Variants in NUCB2 observed in about 807,000 individuals in gnomAD.
NUCB2 encodes the protein nucleobindin 2, also known as nucleobindin-2.
Under a neutral mutation model 57.9 loss-of-function variants are expected in NUCB2, and 48 were observed. The observed-to-expected ratio is 0.83, with a 90% CI of 0.66 to 1.05. The LOEUF is 1.05. Among genes scored for constraint, NUCB2 ranks in the 50% least tolerant of loss-of-function variants. The pLI is 0.00. For missense variants in NUCB2, 442 were observed against 476.2 expected (o/e 0.93, Z 0.67); for synonymous variants, 139 against 152.1 (o/e 0.91, Z 0.64).
chr11:17,299,081 G>T (rs1260799664), intron 4 of NUCB2, among the ~76,000 whole-genome samples: 1 of 152,232 alleles, frequency 6.6e-6, no homozygotes, highest in Non-Finnish European at 1.5e-5. Flanking sequence ...AACTGGAAAG[G>T]TGATGGTACT....
intron 11 of NUCB2, among the ~76,000 whole-genome samples, chr11:17,321,760 T>C (rs1170336174): frequency 6.6e-6 from 1 of 152,170 alleles, no homozygotes; most frequent in Non-Finnish European, 1.5e-5. Flanking sequence ...TTGCCAACAT[T>C]TGTTATTGCC....
At chr11:17,314,586 G>A (rs1025261159) in intron 10 of NUCB2, among the ~76,000 whole-genome samples, 3 of 152,014 alleles carry the variant, frequency 2.0e-5, no homozygotes, top group African/African-American at 7.2e-5. Context: ...CTTCCACCGA[G>A]TCTGTGCTCA....
At chr11:17,348,187 T>A (rs1952898998) in intron 2 of NUCB2, among the ~76,000 whole-genome samples, 1 of 152,078 alleles carries the variant, frequency 6.6e-6, no homozygotes, top group South Asian at 2.1e-4. Context: ...CCTCAAGCAG[T>A]CCTCCTGCCT....
In NUCB2 at chr11:17,331,625, A is replaced by G. The variant is rs1951417210; in HGVS notation, c.*206A>G. 1 of 393,708 alleles carries G rather than the reference A, an allele frequency of 2.5e-6. No homozygotes were observed. The highest frequency in any genetic ancestry group is 3.8e-5 in the East Asian group (1 of 26,506). 24.4% of individuals were successfully genotyped at this position (393,708 alleles called of 1,614,324 possible). A position where few individuals can be genotyped will look rare whatever the true frequency, so the allele number is the denominator to read the frequency against. On this transcript the variant is annotated 3_prime_UTR_variant, in exon 14 of 14. Coordinates refer to ENST00000529010, the MANE Select transcript of NUCB2 (RefSeq NM_005013.4). The stretch of plus-strand genomic sequence containing the variant: ...TCAGAACCAGGAAGAAAACAAACTC[A>G]CTGTCTGCTCTCTGCTCTCACATTC...
At position 17,301,872 on chromosome 11, in the gene NUCB2, T is replaced by C; in HGVS notation, c.379+2T>C. ...AAGCTAAGTTGGATTCCCTTCAAGG[T>C]AAGTGCTAAACAAAAGGTAGGATTT... On this transcript the variant is annotated splice_donor_variant, in intron 5 of 13. Transcript: ENST00000529010. LOFTEE classifies it high-confidence loss of function. 1 of 1,610,220 alleles carries C rather than the reference T, an allele frequency of 6.2e-7. No homozygotes were observed. Among genetic ancestry groups the C allele is most frequent in the Non-Finnish European group, 8.5e-7 (1 of 1,178,322 alleles).
chr11:17,342,329 C>G (rs1305627233), intron 2 of NUCB2, among the ~76,000 whole-genome samples: 1 of 152,092 alleles, frequency 6.6e-6, no homozygotes, highest in African/African-American at 2.4e-5. Flanking sequence ...CTGCTCTGAT[C>G]TTAGTTATTT....
chr11:17,318,180 C>CT (rs1224767428), intron 11 of NUCB2, among the ~76,000 whole-genome samples: 8 of 151,214 alleles, frequency 5.3e-5, no homozygotes, highest in South Asian at 4.2e-4. Context: ...ATGCCTGGAT[C>CT]TTTTTTTTGT....
chr11:17,326,881 A>G (rs1160586142), intron 11 of NUCB2, among the ~76,000 whole-genome samples: 1 of 152,152 alleles, frequency 6.6e-6, no homozygotes, highest in Non-Finnish European at 1.5e-5. Context: ...CACATTTCTT[A>G]TAGGACAAGT....
intron 5 of NUCB2, among the ~76,000 whole-genome samples, chr11:17,307,158 G>A (rs1216554005): frequency 1.3e-5 from 2 of 151,686 alleles, no homozygotes; most frequent in Non-Finnish European, 2.9e-5. Context: ...ACTGCCTCAG[G>A]CTCCCAAAGT....
At chr11:17,306,267 G>T (rs1947626342) in intron 5 of NUCB2, among the ~76,000 whole-genome samples, 1 of 152,006 alleles carries the variant, frequency 6.6e-6, no homozygotes, top group East Asian at 1.9e-4. Context: ...TTGGAATAGT[G>T]GTTCTAAAAC....
chr11:17,292,996 G>C (rs181382240), intron 2 of NUCB2, among the ~76,000 whole-genome samples: 8 of 152,204 alleles, frequency 5.3e-5, no homozygotes, highest in African/African-American at 1.7e-4. Context: ...GCTCATGCCT[G>C]TAATTTCAGC....
chr11:17,284,263 C>G (rs1351387594), intron 2 of NUCB2, among the ~76,000 whole-genome samples: 1 of 152,152 alleles, frequency 6.6e-6, no homozygotes, highest in African/African-American at 2.4e-5. Flanking sequence ...GGTGATCTGC[C>G]TGCCTCAGCC....
intron 4 of NUCB2, among the ~76,000 whole-genome samples, chr11:17,301,120 G>A (rs149033756): frequency 6.7e-6 from 1 of 150,294 alleles, no homozygotes; most frequent in African/African-American, 2.4e-5. Flanking sequence ...TTACAGGCAT[G>A]GGCCACCACA....
chr11:17,307,527 A>G (rs576869993), intron 5 of NUCB2, among the ~76,000 whole-genome samples: 1 of 152,306 alleles, frequency 6.6e-6, no homozygotes, highest in East Asian at 1.9e-4. Flanking sequence ...TTTTATGCAA[A>G]AGGAAATACA....
chr11:17,318,412 A>G (rs1489951632), intron 11 of NUCB2, among the ~76,000 whole-genome samples: 2 of 152,168 alleles, frequency 1.3e-5, no homozygotes, highest in East Asian at 3.8e-4. Flanking sequence ...ATGGAGGTAT[A>G]TAAACATTTT....
Position 17,291,538 on chromosome 11 carries a change from T to G in NUCB2, c.1-3786T>G, listed in dbSNP as rs1217089765. ...TCCAACCTGGGTGGCAGAGTAAGACTCTGCATCAAAAAAAAAAAAAAATCA... is the reference window on the plus strand; with the variant it reads ...TCCAACCTGGGTGGCAGAGTAAGACGCTGCATCAAAAAAAAAAAAAAATCA... On this transcript the variant is annotated intron_variant, in intron 2 of 13. Coordinates refer to ENST00000529010, the MANE Select transcript of NUCB2 (RefSeq NM_005013.4). 3.1e-3 allele frequency among the ~76,000 whole-genome samples: 4 copies of G among 1,308 alleles called. No individual in the cohort carries two copies. In the Admixed American group the frequency reaches 0.091, roughly 30 times the overall value. 0.9% of individuals were successfully genotyped at this position (1,308 alleles called of 152,430 possible).
chr11:17,297,426 T>C (rs543122985), intron 4 of NUCB2, among the ~76,000 whole-genome samples: 1 of 152,180 alleles, frequency 6.6e-6, no homozygotes, highest in South Asian at 2.1e-4. Context: ...CTCTTGGAAG[T>C]TGTGAACTTT....
chr11:17,292,982 A>G (rs955876946), intron 2 of NUCB2, among the ~76,000 whole-genome samples: 6 of 152,134 alleles, frequency 3.9e-5, no homozygotes, highest in African/African-American at 1.4e-4. Flanking sequence ...GGCTAGGTGC[A>G]GTGGCTCATG....
At chr11:17,320,778 C>T (rs2139207904) in intron 11 of NUCB2, among the ~76,000 whole-genome samples, 1 of 152,252 alleles carries the variant, frequency 6.6e-6, no homozygotes, top group Non-Finnish European at 1.5e-5. Flanking sequence ...TTATCTTACT[C>T]ATTTAAAATA....
Sources: gnomAD v4.1 joint callset for allele counts (sites outside exome capture counted in the v4.1 genomes callset) on GRCh38, gnomAD v4.1.1 for gene constraint, MANE v1.5 for transcripts, NCBI Gene and HGNC (gene_info 2026-07-23, HGNC 2026-07-21) for gene names.